The following TMEM132C variants were observed in gnomAD, a reference collection of about 807,000 sequenced individuals.
TMEM132C encodes the protein protein phosphatase 1, regulatory subunit 152.
TMEM132C carries 29 observed loss-of-function variants against 61.4 expected under a neutral mutation model. The ratio of observed to expected loss-of-function variants is 0.47; its 90% CI spans 0.35 to 0.64. The LOEUF (loss-of-function observed/expected upper bound fraction) is 0.64, where lower values mean the gene tolerates loss of function less well. Among genes scored for constraint, TMEM132C ranks in the 30% least tolerant of loss-of-function variants. The pLI is 0.00. For missense variants in TMEM132C, 1,408 were observed against 1,476.9 expected (o/e 0.95, Z 0.76); for synonymous variants, 656 against 633.1 (o/e 1.04, Z -0.54).
intron 1 of TMEM132C, among the ~76,000 whole-genome samples, chr12:128,268,463 C>T (rs542890895): frequency 5.6e-4 from 85 of 152,246 alleles, no homozygotes; most frequent in African/African-American, 1.8e-3. Flanking sequence ...GCCCGAGTCC[C>T]GGGGCGCGCC....
intron 1 of TMEM132C, among the ~76,000 whole-genome samples, chr12:128,370,276 T>C (rs1401733084): frequency 6.6e-6 from 1 of 152,122 alleles, no homozygotes; most frequent in Non-Finnish European, 1.5e-5. Context: ...TGAGCAACAG[T>C]CATAGGTGTG....
chr12:128,647,017 G>A (rs1300003481), intron 4 of TMEM132C, among the ~76,000 whole-genome samples: 1 of 151,228 alleles, frequency 6.6e-6, no homozygotes, highest in African/African-American at 2.4e-5. Flanking sequence ...GTTTACTGGA[G>A]TCCATCAGCG....
At chr12:128,642,829 G>A (rs112530323) in intron 4 of TMEM132C, among the ~76,000 whole-genome samples, 200 of 152,218 alleles carry the variant, frequency 1.3e-3, no homozygotes, top group Non-Finnish European at 2.3e-3. Context: ...ATTTGCCAAG[G>A]ACACACAACT....
chr12:128,324,597 C>T (rs1398260775), intron 1 of TMEM132C, among the ~76,000 whole-genome samples: 8 of 152,278 alleles, frequency 5.3e-5, no homozygotes, highest in African/African-American at 1.7e-4. Context: ...CGGTGGCTCA[C>T]GTCTGTAATC....
intron 2 of TMEM132C, 81 bp from the exon 3 acceptor site, chr12:128,543,876 G>T: frequency 6.8e-7 from 1 of 1,481,308 alleles, no homozygotes; most frequent in South Asian, 1.4e-5. Flanking sequence ...AACTAAAGGT[G>T]ACAACTCTGC....
chr12:128,640,959 TA>T (rs1183786803), intron 4 of TMEM132C, among the ~76,000 whole-genome samples: 1 of 152,166 alleles, frequency 6.6e-6, no homozygotes, highest in East Asian at 1.9e-4. Flanking sequence ...AACTGTTTTC[TA>T]AAAGTGTGCT....
chr12:128,489,603 G>T (rs950103783), intron 2 of TMEM132C, among the ~76,000 whole-genome samples: 12 of 134,342 alleles, frequency 8.9e-5, no homozygotes, highest in African/African-American at 3.1e-4. Context: ...ACACAGAAGT[G>T]AAAGTGATTG....
intron 1 of TMEM132C, among the ~76,000 whole-genome samples, chr12:128,398,652 G>C (rs1875045518): frequency 6.6e-6 from 1 of 152,230 alleles, no homozygotes; most frequent in Admixed American, 6.5e-5. Context: ...TTAGCTGTGT[G>C]ACCTTGGCTG....
chr12:128,469,630 G>A (rs913828106), intron 2 of TMEM132C, among the ~76,000 whole-genome samples: 1 of 146,908 alleles, frequency 6.8e-6, no homozygotes, highest in East Asian at 1.9e-4. Context: ...TATGCTTTGT[G>A]TGTGTGTGTT....
chr12:128,525,792 C>G (rs1258199713), intron 2 of TMEM132C, among the ~76,000 whole-genome samples: 1 of 152,202 alleles, frequency 6.6e-6, no homozygotes. Context: ...CCTGCAACTC[C>G]TGGCCTGCCT....
chr12:128,639,144 G>A (rs1229447816), intron 4 of TMEM132C, among the ~76,000 whole-genome samples: 1 of 132,328 alleles, frequency 7.6e-6, no homozygotes, highest in Non-Finnish European at 1.6e-5. Context: ...AATGACAATG[G>A]TGATGATGAT....
At chr12:128,354,810 A>G (rs138980782) in intron 1 of TMEM132C, among the ~76,000 whole-genome samples, 26 of 152,320 alleles carry the variant, frequency 1.7e-4, no homozygotes, top group African/African-American at 6.3e-4. Flanking sequence ...TACAAGTTGG[A>G]GATTGATGGG....
intron 2 of TMEM132C, among the ~76,000 whole-genome samples, chr12:128,456,660 G>A (rs1593060139): frequency 6.6e-6 from 1 of 151,784 alleles, no homozygotes; most frequent in East Asian, 1.9e-4. Flanking sequence ...CGCCCACATT[G>A]GCCTTTCAAA....
intron 5 of TMEM132C, among the ~76,000 whole-genome samples, chr12:128,688,935 A>C (rs1954698270): frequency 6.6e-6 from 1 of 151,898 alleles, no homozygotes; most frequent in African/African-American, 2.4e-5. Context: ...CTGGGATTAC[A>C]GGCATGCACC....
At chr12:128,507,982 T>TG (rs1235658120) in intron 2 of TMEM132C, among the ~76,000 whole-genome samples, 1 of 152,174 alleles carries the variant, frequency 6.6e-6, no homozygotes, top group Non-Finnish European at 1.5e-5. Flanking sequence ...TGTGGATTCT[T>TG]GCTGAATATT....
chr12:128,633,683 A>G (rs1173287408), intron 4 of TMEM132C, among the ~76,000 whole-genome samples: 5 of 152,204 alleles, frequency 3.3e-5, no homozygotes, highest in African/African-American at 1.2e-4. Flanking sequence ...GTAGTACCAA[A>G]AAGAGATGTT....
intron 1 of TMEM132C, among the ~76,000 whole-genome samples, chr12:128,344,452 C>T (rs758628279): frequency 2.0e-5 from 3 of 152,134 alleles, no homozygotes; most frequent in African/African-American, 7.2e-5. Context: ...GCCACCGTGC[C>T]GGCAGTATAT....
intron 3 of TMEM132C, among the ~76,000 whole-genome samples, chr12:128,575,209 G>A (rs1044567797): frequency 1.3e-4 from 20 of 152,230 alleles, no homozygotes; most frequent in Admixed American, 9.2e-4. Flanking sequence ...GCCGGACATG[G>A]TGAGTCATGC....
chr12:128,530,340 G>A (rs1406918350), intron 2 of TMEM132C, among the ~76,000 whole-genome samples: 4 of 152,240 alleles, frequency 2.6e-5, no homozygotes, highest in African/African-American at 9.6e-5. Flanking sequence ...TGATTTATAT[G>A]GACTGCCAGA....
Sources: gnomAD v4.1 joint callset for allele counts (sites outside exome capture counted in the v4.1 genomes callset) on GRCh38, gnomAD v4.1.1 for gene constraint, MANE v1.5 for transcripts, NCBI Gene and HGNC (gene_info 2026-07-23, HGNC 2026-07-21) for gene names.